The following CLDN14 variants were observed in gnomAD, a reference collection of about 807,000 sequenced individuals.
CLDN14 encodes the protein claudin 14.
Under a neutral mutation model 2.1 loss-of-function variants are expected in CLDN14, and 2 were observed. The ratio of observed to expected loss-of-function variants is 0.96; its 90% confidence interval spans 0.39 to 3.01. The LOEUF (loss-of-function observed/expected upper bound fraction) is 3.01, where lower values mean the gene tolerates loss of function less well. Ranked by LOEUF, CLDN14 falls within the 30% of genes most tolerant of loss-of-function variation. The probability of loss-of-function intolerance (pLI) is 0.09; values close to 1 mark genes in which losing one functional copy is unlikely to be tolerated. For missense variants in CLDN14, 298 were observed against 328.0 expected, an observed-to-expected ratio of 0.91 and a Z score of 0.71; for synonymous variants, 136 against 154.4, an observed-to-expected ratio of 0.88 and a Z score of 0.88.
intron 1 of CLDN14, 26 bp from the exon 2 acceptor site, chr21:36,461,802 C>T: frequency 6.9e-7 from 1 of 1,449,864 alleles, no homozygotes; most frequent in African/African-American, 1.4e-5. Flanking sequence ...GAGGCGGGAG[C>T]AGGGAGAGAA....
At chr21:36,575,090 T>C (rs534151119) in intron 1 of CLDN14, among the ~76,000 whole-genome samples, 1 of 152,378 alleles carries the variant, frequency 6.6e-6, no homozygotes, top group South Asian at 2.1e-4. Flanking sequence ...AATTCTCCTC[T>C]ATTCTCTTTT....
intron 1 of CLDN14, among the ~76,000 whole-genome samples, chr21:36,569,444 C>T (rs2087693784): frequency 6.6e-6 from 1 of 151,554 alleles, no homozygotes; most frequent in African/African-American, 2.4e-5. Context: ...GTAAATAAAG[C>T]GAAAGTGTTA....
At chr21:36,547,837 C>T (rs1244523096) in intron 1 of CLDN14, among the ~76,000 whole-genome samples, 3 of 152,208 alleles carry the variant, frequency 2.0e-5, no homozygotes, top group Non-Finnish European at 4.4e-5. Context: ...GTCACTCACC[C>T]GCTGATCCTC....
intron 1 of CLDN14, among the ~76,000 whole-genome samples, chr21:36,535,009 G>C (rs181309469): frequency 6.6e-6 from 1 of 152,322 alleles, no homozygotes; most frequent in East Asian, 1.9e-4. Context: ...ATGAAAAGGA[G>C]AGGTGGAAAC....
intron 2 of CLDN14, chr21:36,486,116 A>G: frequency 7.5e-7 from 1 of 1,336,918 alleles, no homozygotes; most frequent in East Asian, 2.3e-5. Context: ...ACTCTGAAGG[A>G]ACTCAGGATC....
intron 1 of CLDN14, among the ~76,000 whole-genome samples, 197 bp from the exon 2 acceptor site, chr21:36,461,973 G>A (rs770494249): frequency 1.3e-5 from 2 of 152,208 alleles, no homozygotes; most frequent in African/African-American, 4.8e-5. Flanking sequence ...GATCTGAAGG[G>A]ATGACAGCCG....
chr21:36,522,229 C>A (rs73392054), intron 1 of CLDN14, among the ~76,000 whole-genome samples: 1,687 of 152,274 alleles, frequency 0.011, 30 homozygotes, highest in African/African-American at 0.039. Flanking sequence ...GCCTTACTTT[C>A]CCCAAATCCA....
At chr21:36,572,436 A>G (rs539478557) in intron 1 of CLDN14, among the ~76,000 whole-genome samples, 4 of 152,006 alleles carry the variant, frequency 2.6e-5, no homozygotes, top group African/African-American at 7.2e-5. Flanking sequence ...ACCAACCTCT[A>G]CCCTCCACCC....
At position 36,468,796 on chromosome 21, in the gene CLDN14, G is replaced by C. The variant is rs372228267; in HGVS notation, c.-81-7020C>G. 5.2e-3 allele frequency among the ~76,000 whole-genome samples: 769 copies of C among 147,232 alleles called. 6 individuals are homozygous for C. Among genetic ancestry groups the C allele is most frequent in the African/African-American group, 0.018 (716 of 39,254 alleles). On this transcript the variant is annotated intron_variant, in intron 1 of 1. Transcript: ENST00000399135. ...TTTTTTTGAGACAGAATCTCGCTCTGTCACCCAGGCTGGAGTACAGTGGCA... is the reference window on the plus strand; with the variant it reads ...TTTTTTTGAGACAGAATCTCGCTCTCTCACCCAGGCTGGAGTACAGTGGCA...
At chr21:36,495,987 TA>T (rs2087013161) in intron 2 of CLDN14, among the ~76,000 whole-genome samples, 1 of 152,214 alleles carries the variant, frequency 6.6e-6, no homozygotes, top group Admixed American at 6.5e-5. Flanking sequence ...CCTTCTTTTC[TA>T]GAGCTTCAGA....
At chr21:36,510,058 C>T (rs1568864173) in intron 2 of CLDN14, among the ~76,000 whole-genome samples, 1 of 152,208 alleles carries the variant, frequency 6.6e-6, no homozygotes. Context: ...ATGGTGTAAA[C>T]TCCCACGGCC....
intron 1 of CLDN14, among the ~76,000 whole-genome samples, chr21:36,558,369 TG>T (rs1264609628): frequency 6.6e-6 from 1 of 152,224 alleles, no homozygotes; most frequent in Non-Finnish European, 1.5e-5. Flanking sequence ...TAAATTGCTT[TG>T]GGTAGTATGA....
chr21:36,550,023 A>ACTGC (rs1262448729), intron 1 of CLDN14, among the ~76,000 whole-genome samples: 2 of 152,350 alleles, frequency 1.3e-5, no homozygotes, highest in African/African-American at 4.8e-5. Context: ...CAGCTACAAC[A>ACTGC]CTGCCTGGCA....
intron 1 of CLDN14, among the ~76,000 whole-genome samples, chr21:36,515,093 C>A (rs1479953131): frequency 6.6e-6 from 1 of 152,116 alleles, no homozygotes; most frequent in East Asian, 1.9e-4. Flanking sequence ...GAAATTGAAA[C>A]GCTTTTGCAC....
rs371297575 is a variant in CLDN14 at position 36,461,074 on chromosome 21, C to T, written c.622G>A (p.Ala208Thr). 58 of 1,613,946 alleles carry T rather than the reference C, an allele frequency of 3.6e-5. No individual in the cohort carries two copies. The highest frequency in any genetic ancestry group is 8.3e-5 in the Admixed American group (5 of 60,008). ...GCAGCTGGTGGCTGGTAGGCAGGTG[C>T]GGTGTTTGCAGTGGTCGTGGTGGCC... is the stretch of plus-strand genomic sequence containing the variant. ...PRATTTTANT[A>T]PAYQPPAAYK... Residue 208 changes from alanine (A) to threonine (T), a missense_variant, in exon 2 of 2, where the codon GCA becomes ACA. Transcript: ENST00000399135.
intron 2 of CLDN14, chr21:36,486,958 T>G: frequency 2.1e-6 from 1 of 487,314 alleles, no homozygotes; most frequent in Non-Finnish European, 3.9e-6. Flanking sequence ...GGCCATGTTG[T>G]TCTCAGGGTT....
At chr21:36,531,505 T>G (rs917986157) in intron 1 of CLDN14, among the ~76,000 whole-genome samples, 1 of 151,732 alleles carries the variant, frequency 6.6e-6, no homozygotes, top group African/African-American at 2.4e-5. Context: ...CCTCAGGTGA[T>G]CCACACGCCT....
At chr21:36,489,025 A>G (rs901212567) in intron 2 of CLDN14, among the ~76,000 whole-genome samples, 2 of 150,178 alleles carry the variant, frequency 1.3e-5, no homozygotes, top group Admixed American at 1.3e-4. Context: ...CAGGAGAATC[A>G]CTTGAACCTG....
rs2087056624 is a variant in CLDN14, at chr21:36,498,180, T to G, written c.-82+12183A>C. On this transcript the variant is annotated intron_variant, in intron 2 of 2. Coordinates refer to the CLDN14 transcript ENST00000342108. The surrounding 1 kb of genome is among the most constrained non-coding windows in gnomAD (Gnocchi z 4.9). ...CATGCCCAGCTAATTTTTGTATTCTTAGTAGAGATGGGGTTTTGCCATATT... is the reference window on the plus strand; with the variant it reads ...CATGCCCAGCTAATTTTTGTATTCTGAGTAGAGATGGGGTTTTGCCATATT... Among the ~76,000 whole-genome samples the G allele has an allele frequency of 6.6e-6, 1 of 151,994 alleles. No homozygotes were observed. The highest frequency in any genetic ancestry group is 1.5e-5 in the Non-Finnish European group (1 of 67,990).
Sources: allele counts gnomAD v4.1 joint callset (sites outside exome capture counted in the v4.1 genomes callset), GRCh38; gene constraint gnomAD v4.1.1; non-coding constraint Gnocchi (gnomAD v3.1); transcripts MANE v1.5; gene names NCBI Gene and HGNC (gene_info 2026-07-23, HGNC 2026-07-21).